Variants in DUSP16 observed in about 807,000 individuals in gnomAD.
DUSP16 encodes dual specificity phosphatase 16.
Under a neutral mutation model 58.3 loss-of-function variants are expected in DUSP16, and 21 were observed. That is an observed-to-expected ratio of 0.36 (90% CI 0.26 to 0.52). DUSP16 has a LOEUF of 0.52. DUSP16 is among the 20% of genes least tolerant of loss of function. The pLI is 0.94. For synonymous variants in DUSP16, 320 were observed against 323.8 expected (o/e 0.99, Z 0.12); for missense variants, 726 against 819.0 (o/e 0.89, Z 1.39).
At chr12:12,555,241 T>C (rs1405798183) in intron 1 of DUSP16, among the ~76,000 whole-genome samples, 1 of 152,170 alleles carries the variant, frequency 6.6e-6, no homozygotes, top group Non-Finnish European at 1.5e-5. Flanking sequence ...AAGCTGGAGG[T>C]GAGGTCAGAG....
intron 4 of DUSP16, chr12:12,491,570 CAT>C (rs1244632121): frequency 1.3e-5 from 2 of 152,172 alleles, no homozygotes; most frequent in Admixed American, 1.3e-4. Context: ...AATTAAACAT[CAT>C]AATCTTTAAG....
chr12:12,498,980 A>C (rs1196047245), intron 4 of DUSP16, among the ~76,000 whole-genome samples: 2 of 152,088 alleles, frequency 1.3e-5, no homozygotes, highest in Non-Finnish European at 2.9e-5. Flanking sequence ...AAAAAAGAAA[A>C]CTACTATTTT....
chr12:12,541,906 A>C (rs898274387), intron 1 of DUSP16, among the ~76,000 whole-genome samples: 5 of 149,348 alleles, frequency 3.3e-5, no homozygotes, highest in African/African-American at 1.3e-4. Flanking sequence ...AAAAAAATTA[A>C]TCAACTGATG....
chr12:12,549,367 C>T (rs567729154), intron 1 of DUSP16, among the ~76,000 whole-genome samples: 2 of 152,198 alleles, frequency 1.3e-5, no homozygotes, highest in African/African-American at 2.4e-5. Context: ...GTTGCACCCA[C>T]CCCCGCACTT....
In DUSP16 at chr12:12,476,880, T is replaced by G; in HGVS notation, c.1951A>C (p.Ser651Arg). The G allele has an allele frequency of 6.2e-7, 1 of 1,612,970 alleles. No homozygotes were observed. The highest frequency in any genetic ancestry group is 8.5e-7 in the Non-Finnish European group (1 of 1,179,974). ...RSREELGKVG[S>R]QSSFSGSMEI... ...ATGCTGCCCGAAAAGCTAGACTGACTGCCCACTTTCCCCAGCTCTTCCCGT... is the reference window on the plus strand; with the variant it reads ...ATGCTGCCCGAAAAGCTAGACTGACGGCCCACTTTCCCCAGCTCTTCCCGT... Residue 651 changes from serine (S) to arginine (R), a missense_variant, in exon 7 of 7, where the codon AGT (serine) becomes CGT (arginine). By Grantham distance (110) the Ser-to-Arg change is moderately radical. Transcript: ENST00000298573.
chr12:12,539,828 A>G (rs1225253425), intron 1 of DUSP16, among the ~76,000 whole-genome samples: 1 of 151,536 alleles, frequency 6.6e-6, no homozygotes, highest in Non-Finnish European at 1.5e-5. Flanking sequence ...AGGCAGGTGG[A>G]CCATTTGAGG....
chr12:12,557,825 T>C (rs1317142863), intron 1 of DUSP16, among the ~76,000 whole-genome samples: 1 of 152,252 alleles, frequency 6.6e-6, no homozygotes, highest in Non-Finnish European at 1.5e-5. Flanking sequence ...CTTTCTCTTA[T>C]TTTCCACTGT....
At chr12:12,524,100 G>A (rs926973868) in intron 1 of DUSP16, among the ~76,000 whole-genome samples, 1 of 152,194 alleles carries the variant, frequency 6.6e-6, no homozygotes, top group Non-Finnish European at 1.5e-5. Context: ...TCTCATCTTT[G>A]CTTCCCCTCA....
At chr12:12,492,188 G>A (rs187579419) in intron 4 of DUSP16, among the ~76,000 whole-genome samples, 18 of 152,222 alleles carry the variant, frequency 1.2e-4, no homozygotes, top group African/African-American at 3.6e-4. Context: ...AGCAATCTCT[G>A]TATTTCCCCA....
chr12:12,560,129 T>C (rs1485999573), intron 1 of DUSP16, among the ~76,000 whole-genome samples: 1 of 152,202 alleles, frequency 6.6e-6, no homozygotes, highest in Non-Finnish European at 1.5e-5. Flanking sequence ...TCTGCAGTTC[T>C]GTTCCTAGCC....
At chr12:12,491,761 T>C (rs1202849984) in intron 4 of DUSP16, among the ~76,000 whole-genome samples, 4 of 152,160 alleles carry the variant, frequency 2.6e-5, no homozygotes, top group African/African-American at 7.2e-5. Flanking sequence ...TCTCATGAGA[T>C]CTAGCCTGGT....
intron 1 of DUSP16, among the ~76,000 whole-genome samples, chr12:12,541,952 G>A (rs188315056): frequency 9.9e-5 from 15 of 152,224 alleles, no homozygotes; most frequent in African/African-American, 3.4e-4. Context: ...CCCTACTATG[G>A]AATATTATTT....
chr12:12,554,717 T>C (rs1301392060), intron 1 of DUSP16: 2 of 152,174 alleles, frequency 1.3e-5, no homozygotes, highest in Non-Finnish European at 2.9e-5. Flanking sequence ...ATAACCACAA[T>C]ATGACTATTA....
At chr12:12,482,817 C>T (rs1038133548) in intron 5 of DUSP16, among the ~76,000 whole-genome samples, 3 of 152,290 alleles carry the variant, frequency 2.0e-5, no homozygotes, top group African/African-American at 7.2e-5. Flanking sequence ...TAGGCTCAAG[C>T]GATCCTCCTG....
chr12:12,536,840 C>A (rs1457153717), intron 1 of DUSP16, among the ~76,000 whole-genome samples: 4 of 151,998 alleles, frequency 2.6e-5, no homozygotes, highest in Non-Finnish European at 5.9e-5. Context: ...GAGTTCGAGA[C>A]CAGCCTGACA....
At position 12,562,582 on chromosome 12, in the gene DUSP16, T is replaced by TGGGGGGGGGG; in HGVS notation, c.-832_-831insCCCCCCCCCC. Among the ~76,000 whole-genome samples the TGGGGGGGGGG allele has an allele frequency of 1.2e-5, 1 of 85,778 alleles. No individual in the cohort carries two copies. The highest frequency in any genetic ancestry group is 2.4e-5 in the Non-Finnish European group (1 of 41,616). 56.3% of individuals were successfully genotyped at this position (85,778 alleles called of 152,430 possible). A position where few individuals can be genotyped will look rare whatever the true frequency, so the allele number is the denominator to read the frequency against. ...AAGGCGGGGGGGTGGGGTGGGGGGT[T>TGGGGGGGGGG]GGGGGAAAGAGAAAGAGTCGCTGGT... On this transcript the variant is annotated 5_prime_UTR_variant, in exon 1 of 7. Transcript: ENST00000298573.
At chr12:12,481,944 T>A (rs1943576190) in intron 5 of DUSP16, among the ~76,000 whole-genome samples, 1 of 152,230 alleles carries the variant, frequency 6.6e-6, no homozygotes, top group Non-Finnish European at 1.5e-5. Flanking sequence ...CAATTCAGAC[T>A]TTTTGTCAGT....
chr12:12,555,026 C>G (rs1944787312), intron 1 of DUSP16, among the ~76,000 whole-genome samples: 2 of 152,142 alleles, frequency 1.3e-5, no homozygotes, highest in South Asian at 4.1e-4. Context: ...ACAACAAAAA[C>G]CAAGCAACAA....
rs1592191654 is a variant in DUSP16, at chr12:12,521,025, T to G, written c.74A>C (p.Lys25Thr). The G allele has an allele frequency of 6.2e-7, 1 of 1,614,216 alleles. No homozygotes were observed. Among genetic ancestry groups the G allele is most frequent in the East Asian group, 2.2e-5 (1 of 44,890 alleles). ...TGGCCGGCTATCAATTAGCAGCACT[T>G]TTTCCGTTCCACTTTCCAGCAGAGC... Reference protein sequence around the residue: ...LVALLESGTEKVLLIDSRPFV... With the variant: ...LVALLESGTETVLLIDSRPFV... The change falls in exon 2 of 7, where the codon AAA becomes ACA. Residue 25 changes from lysine to threonine, a missense_variant. Transcript: ENST00000298573.
Sources: gnomAD v4.1 joint callset for allele counts (sites outside exome capture counted in the v4.1 genomes callset) on GRCh38, gnomAD v4.1.1 for gene constraint, MANE v1.5 for transcripts, NCBI Gene and HGNC (gene_info 2026-07-23, HGNC 2026-07-21) for gene names.